AGBL1: variants seen among roughly 807,000 people sequenced by gnomAD.
AGBL1 encodes the protein AGBL carboxypeptidase 1.
AGBL1 carries 130 observed loss-of-function variants against 118.9 expected under a neutral mutation model. The ratio of observed to expected loss-of-function variants is 1.09; its 90% CI spans 0.95 to 1.26. The LOEUF (loss-of-function observed/expected upper bound fraction) is 1.26, where lower values mean the gene tolerates loss of function less well. Among genes scored for constraint, AGBL1 ranks in the 50% most tolerant of loss-of-function variants. The pLI is 0.00. For synonymous variants in AGBL1, 555 were observed against 478.9 expected, an observed-to-expected ratio of 1.16 and a Z score of -2.08; for missense variants, 1,584 against 1,298.1, an observed-to-expected ratio of 1.22 and a Z score of -3.38.
intron 24 of AGBL1, among the ~76,000 whole-genome samples, chr15:86,993,874 G>A (rs2081354848): frequency 1.3e-5 from 2 of 152,066 alleles, no homozygotes; most frequent in Admixed American, 6.6e-5. Flanking sequence ...TTTACTGAGA[G>A]CTCTTGGCAG....
chr15:86,940,968 A>G (rs573087339), intron 23 of AGBL1, among the ~76,000 whole-genome samples: 1 of 152,292 alleles, frequency 6.6e-6, no homozygotes, highest in East Asian at 1.9e-4. Context: ...CATTTTATGA[A>G]ATGAAGTGTT....
intron 23 of AGBL1, among the ~76,000 whole-genome samples, chr15:86,976,619 GA>G (rs1163932118): frequency 6.6e-6 from 1 of 151,908 alleles, no homozygotes; most frequent in Non-Finnish European, 1.5e-5. Flanking sequence ...TCTTTAAAAG[GA>G]AAGTAATTCT....
At chr15:86,385,322 G>A (rs148950222) in intron 17 of AGBL1, among the ~76,000 whole-genome samples, 1 of 152,246 alleles carries the variant, frequency 6.6e-6, no homozygotes, top group Non-Finnish European at 1.5e-5. Flanking sequence ...CGTGCGCCTT[G>A]TATTATATCT....
At chr15:86,546,990 G>T (rs1431624278) in intron 20 of AGBL1, among the ~76,000 whole-genome samples, 1 of 152,084 alleles carries the variant, frequency 6.6e-6, no homozygotes, top group Non-Finnish European at 1.5e-5. Flanking sequence ...ATAGTATTAA[G>T]AGGTAAAAAT....
chr15:86,679,426 A>T (rs1329392279), intron 22 of AGBL1, among the ~76,000 whole-genome samples: 1 of 152,052 alleles, frequency 6.6e-6, no homozygotes, highest in Non-Finnish European at 1.5e-5. Context: ...TTATTTATAT[A>T]TTTATTTGTA....
intron 24 of AGBL1, among the ~76,000 whole-genome samples, chr15:87,025,857 A>G (rs1168693238): frequency 6.6e-6 from 1 of 151,976 alleles, no homozygotes; most frequent in Non-Finnish European, 1.5e-5. Context: ...GAACCCAAAT[A>G]CTTACAACTA....
chr15:86,397,775 C>T (rs1411403885), intron 18 of AGBL1, among the ~76,000 whole-genome samples: 1 of 152,186 alleles, frequency 6.6e-6, no homozygotes, highest in East Asian at 1.9e-4. Flanking sequence ...AGGAGGATCA[C>T]TTGAGACTTG....
intron 23 of AGBL1, among the ~76,000 whole-genome samples, chr15:86,968,356 G>A (rs1596686912): frequency 6.6e-6 from 1 of 152,016 alleles, no homozygotes; most frequent in East Asian, 1.9e-4. Flanking sequence ...TAGATGGAAT[G>A]TTCAGTGGAA....
In AGBL1 at chr15:86,764,894, T is replaced by C. The variant is rs564190363; in HGVS notation, c.3158+90458T>C. 7.9e-5 allele frequency among the ~76,000 whole-genome samples: 12 copies of C among 152,200 alleles called. No homozygotes were observed. The East Asian group carries it at 2.1e-3, about 27-fold the overall frequency. The stretch of plus-strand genomic sequence containing the variant: ...TGATTAATCTCTACTCTAATGAACC[T>C]ATTTCTAGACAATGATAAAGAATAT... On this transcript the variant is annotated intron_variant, in intron 22 of 22. Transcript: ENST00000614907.
At chr15:86,761,883 G>C (rs1013377277) in intron 22 of AGBL1, among the ~76,000 whole-genome samples, 3 of 151,958 alleles carry the variant, frequency 2.0e-5, no homozygotes, top group Admixed American at 6.6e-5. Context: ...ATTGGTTTTG[G>C]CAATTTCATC....
intron 21 of AGBL1, among the ~76,000 whole-genome samples, chr15:86,568,878 G>T (rs558732255): frequency 3.3e-5 from 5 of 152,254 alleles, no homozygotes; most frequent in Middle Eastern, 6.8e-3. Flanking sequence ...CAAGGACATT[G>T]TTCCCAGAAA....
chr15:87,027,106 A>G (rs2081736306), intron 24 of AGBL1, among the ~76,000 whole-genome samples: 1 of 152,016 alleles, frequency 6.6e-6, no homozygotes, highest in African/African-American at 2.4e-5. Flanking sequence ...ATGTCACCAA[A>G]CACCACCTGT....
At chr15:86,509,025 T>G (rs7170934) in intron 18 of AGBL1, among the ~76,000 whole-genome samples, 86,529 of 151,528 alleles carry the variant, frequency 0.57, 25,226 homozygotes, top group East Asian at 0.77. Context: ...AAAGACAGGC[T>G]TGTTCGTCAT....
chr15:87,027,063 A>G (rs1293901271), intron 24 of AGBL1, among the ~76,000 whole-genome samples: 2 of 152,014 alleles, frequency 1.3e-5, no homozygotes, highest in Admixed American at 1.3e-4. Flanking sequence ...GGGTGCACCA[A>G]AATCTCACAA....
intron 18 of AGBL1, among the ~76,000 whole-genome samples, chr15:86,398,153 T>C (rs909480614): frequency 6.6e-6 from 1 of 152,202 alleles, no homozygotes; most frequent in East Asian, 1.9e-4. Context: ...AGGTTGTTCT[T>C]CTCTTTACCT....
intron 22 of AGBL1, among the ~76,000 whole-genome samples, chr15:86,732,868 T>G (rs1438289671): frequency 6.6e-6 from 1 of 151,262 alleles, no homozygotes; most frequent in Non-Finnish European, 1.5e-5. Context: ...ACCAATAAGA[T>G]ATATATAGAT....
chr15:86,702,367 T>C (rs1431163134), intron 22 of AGBL1, among the ~76,000 whole-genome samples: 1 of 152,188 alleles, frequency 6.6e-6, no homozygotes, highest in East Asian at 1.9e-4. Flanking sequence ...GATGGCCTTA[T>C]TGATTTGTTC....
At chr15:86,821,127 A>G (rs889308387) in intron 22 of AGBL1, among the ~76,000 whole-genome samples, 3 of 152,122 alleles carry the variant, frequency 2.0e-5, no homozygotes, top group Non-Finnish European at 4.4e-5. Flanking sequence ...TTGAACAAAG[A>G]GAACACATGG....
chr15:86,611,835 C>T (rs1259194721), intron 21 of AGBL1, among the ~76,000 whole-genome samples: 7 of 152,110 alleles, frequency 4.6e-5, no homozygotes. Context: ...CGGAAGTTTA[C>T]TGTAAACTCA....
Sources: gnomAD v4.1 joint callset for allele counts (sites outside exome capture counted in the v4.1 genomes callset) on GRCh38, gnomAD v4.1.1 for gene constraint, MANE v1.5 for transcripts, NCBI Gene and HGNC (gene_info 2026-07-23, HGNC 2026-07-21) for gene names.